RANBP17: variants seen among roughly 807,000 people sequenced by gnomAD.
The protein encoded by RANBP17 is ran-binding protein 17.
RANBP17 carries 158 observed loss-of-function variants against 141.2 expected under a neutral mutation model. The ratio of observed to expected loss-of-function variants is 1.12; its 90% CI spans 0.98 to 1.28. RANBP17 has a LOEUF of 1.28. Ranked by LOEUF, RANBP17 falls within the 50% of genes most tolerant of loss-of-function variation. The pLI is 0.00. For synonymous variants in RANBP17, 430 were observed against 450.0 expected, an observed-to-expected ratio of 0.96 and a Z score of 0.56; for missense variants, 1,438 against 1,290.7, an observed-to-expected ratio of 1.11 and a Z score of -1.75.
intron 24 of RANBP17, among the ~76,000 whole-genome samples, chr5:171,247,772 C>T (rs752163899): frequency 6.6e-6 from 1 of 152,144 alleles, no homozygotes; most frequent in Non-Finnish European, 1.5e-5. Context: ...AAGTACCTTT[C>T]TAAACCTTGG....
intron 22 of RANBP17, among the ~76,000 whole-genome samples, chr5:171,239,094 A>G (rs774215364): frequency 3.3e-5 from 5 of 152,202 alleles, no homozygotes; most frequent in Non-Finnish European, 7.3e-5. Context: ...ATCTTTATGC[A>G]ACTATTGTTA....
chr5:170,913,983 G>T (rs1274039737), intron 7 of RANBP17, among the ~76,000 whole-genome samples, 184 bp from the exon 8 acceptor site: 2 of 152,098 alleles, frequency 1.3e-5, no homozygotes, highest in African/African-American at 2.4e-5. Context: ...AGCCTGGCTA[G>T]TTAATTTCTC....
intron 24 of RANBP17, among the ~76,000 whole-genome samples, chr5:171,257,038 A>G (rs940174720): frequency 3.3e-5 from 5 of 152,238 alleles, no homozygotes; most frequent in African/African-American, 9.6e-5. Context: ...GTTCCAAAAA[A>G]TTGAGGAGGA....
At chr5:170,923,788 A>G (rs1418235098) in intron 11 of RANBP17, among the ~76,000 whole-genome samples, 2 of 152,114 alleles carry the variant, frequency 1.3e-5, no homozygotes, top group African/African-American at 4.8e-5. Context: ...TTGAATTTCT[A>G]GTTGTTCACT....
At chr5:171,056,719 T>C (rs936326021) in intron 14 of RANBP17, among the ~76,000 whole-genome samples, 16 of 152,190 alleles carry the variant, frequency 1.1e-4, no homozygotes, top group African/African-American at 3.1e-4. Context: ...TTTATAATTT[T>C]ACTTTGGAAA....
intron 14 of RANBP17, among the ~76,000 whole-genome samples, chr5:170,973,239 T>C (rs1252284263): frequency 6.6e-6 from 1 of 152,206 alleles, no homozygotes; most frequent in East Asian, 1.9e-4. Flanking sequence ...TATGATGAAA[T>C]GAAGACCAGA....
At chr5:171,142,422 A>G (rs1757765521) in intron 14 of RANBP17, among the ~76,000 whole-genome samples, 1 of 152,240 alleles carries the variant, frequency 6.6e-6, no homozygotes, top group South Asian at 2.1e-4. Flanking sequence ...GAGGCCTTGG[A>G]ACCCAGGCTA....
chr5:170,904,777 C>G (rs900969286), intron 5 of RANBP17, among the ~76,000 whole-genome samples: 1 of 152,080 alleles, frequency 6.6e-6, no homozygotes, highest in African/African-American at 2.4e-5. Flanking sequence ...ATAATCATGT[C>G]TTCAATAAAA....
At chr5:171,232,959 A>G (rs1764293602) in intron 22 of RANBP17, among the ~76,000 whole-genome samples, 1 of 152,162 alleles carries the variant, frequency 6.6e-6, no homozygotes, top group East Asian at 1.9e-4. Flanking sequence ...TCAGTCATTC[A>G]TTCAACAAAT....
intron 14 of RANBP17, among the ~76,000 whole-genome samples, chr5:171,072,853 G>A (rs1189299307): frequency 6.6e-6 from 1 of 152,176 alleles, no homozygotes; most frequent in Non-Finnish European, 1.5e-5. Context: ...ATGTCTTTCA[G>A]TAAGTGGTAC....
intron 3 of RANBP17, among the ~76,000 whole-genome samples, chr5:170,883,989 A>T (rs932650937): frequency 1.3e-5 from 2 of 152,120 alleles, no homozygotes; most frequent in Non-Finnish European, 2.9e-5. Context: ...TTGCTGGATT[A>T]TATGTTAAGA....
At position 171,049,096 on chromosome 5, in the gene RANBP17, A is replaced by G. The variant is rs560483099; in HGVS notation, c.1710+80719A>G. On this transcript the variant is annotated intron_variant, in intron 14 of 27. Transcript: ENST00000523189. ...GGCTGAACTAATTTACATTCCCAAG[A>G]GCAGTTTATAAGCATTCCCTTTTCT... 1.1e-4 allele frequency among the ~76,000 whole-genome samples: 16 copies of G among 152,344 alleles called. No individual in the cohort carries two copies. The East Asian group carries it at 2.5e-3, about 24-fold the overall frequency.
chr5:171,127,600 A>G (rs563706829), intron 14 of RANBP17, among the ~76,000 whole-genome samples: 85 of 152,336 alleles, frequency 5.6e-4, no homozygotes, highest in Admixed American at 1.9e-3. Context: ...AAAGTATATG[A>G]AAAAAATCTT....
chr5:171,273,913 T>G (rs1356060548), intron 25 of RANBP17, among the ~76,000 whole-genome samples: 3 of 152,220 alleles, frequency 2.0e-5, no homozygotes, highest in African/African-American at 7.2e-5. Flanking sequence ...TTAATTTATT[T>G]TGCTCTTGCT....
intron 16 of RANBP17, among the ~76,000 whole-genome samples, chr5:171,175,134 CT>C (rs1168023378): frequency 3.3e-5 from 5 of 152,128 alleles, no homozygotes; most frequent in East Asian, 1.9e-4. Context: ...TGAACTCATC[CT>C]TTTTTATGGC....
At chr5:171,109,640 C>T (rs1162813898) in intron 14 of RANBP17, among the ~76,000 whole-genome samples, 3 of 152,094 alleles carry the variant, frequency 2.0e-5, no homozygotes, top group African/African-American at 7.2e-5. Flanking sequence ...TTTATAATAA[C>T]TAATACAATG....
intron 14 of RANBP17, among the ~76,000 whole-genome samples, chr5:171,094,068 A>G (rs1021866296): frequency 5.9e-5 from 9 of 152,210 alleles, no homozygotes; most frequent in African/African-American, 2.2e-4. Flanking sequence ...AGCATGCAGT[A>G]TATCTTGTTA....
At chr5:171,267,804 AAAAAAGAAAAAG>A (rs1433779354) in intron 25 of RANBP17, among the ~76,000 whole-genome samples, 1 of 152,174 alleles carries the variant, frequency 6.6e-6, no homozygotes, top group South Asian at 2.1e-4. Flanking sequence ...CATCTCAAAA[AAAAAAGAAAAAG>A]AAAAAGAAAA....
chr5:171,014,871 A>G (rs552134655), intron 14 of RANBP17, among the ~76,000 whole-genome samples: 2 of 152,112 alleles, frequency 1.3e-5, no homozygotes, highest in East Asian at 1.9e-4. Flanking sequence ...TTCAGCTTTC[A>G]TATGTCTGGA....
Sources: allele counts gnomAD v4.1 joint callset (sites outside exome capture counted in the v4.1 genomes callset), GRCh38; gene constraint gnomAD v4.1.1; transcripts MANE v1.5; gene names NCBI Gene and HGNC (gene_info 2026-07-23, HGNC 2026-07-21).